The following MTCL3 variants were observed in gnomAD, a reference collection of about 807,000 sequenced individuals.
MTCL3 encodes the protein microtubule cross-linking factor 3.
At chr6:127,475,142 C>G in the MTCL3 span, 3 of 710,350 alleles carry the variant, frequency 4.2e-6, no homozygotes, top group South Asian at 2.1e-5. The surrounding 1 kb of genome is among the most constrained non-coding windows in gnomAD (Gnocchi z 7.3). Flanking sequence ...ACTGGTGGGC[C>G]GAGGCCGGGG....
the MTCL3 span, chr6:127,476,515 T>C: frequency 3.4e-6 from 5 of 1,454,912 alleles, no homozygotes; most frequent in Admixed American, 2.3e-5. The surrounding 1 kb of genome is among the most constrained non-coding windows in gnomAD (Gnocchi z 4.4). Flanking sequence ...CATTTTTATG[T>C]AAATCAAGGA....
At chr6:127,514,313 A>C in the MTCL3 span, among the ~76,000 whole-genome samples, 1 of 152,230 alleles carries the variant, frequency 6.6e-6, no homozygotes, top group Admixed American at 6.5e-5. Flanking sequence ...CAAGTGCAGA[A>C]AGGAAGAAGT....
At chr6:127,506,843 T>G in the MTCL3 span, among the ~76,000 whole-genome samples, 1 of 152,134 alleles carries the variant, frequency 6.6e-6, no homozygotes, top group East Asian at 1.9e-4. Flanking sequence ...CCTCCCAAAG[T>G]GCTGGGATTA....
chr6:127,502,385 C>T, the MTCL3 span, among the ~76,000 whole-genome samples: 1 of 152,132 alleles, frequency 6.6e-6, no homozygotes, highest in East Asian at 1.9e-4. Context: ...AATGCAGTGG[C>T]AGGTAATGCA....
chr6:127,493,066 A>C, the MTCL3 span, among the ~76,000 whole-genome samples: 5 of 152,192 alleles, frequency 3.3e-5, no homozygotes. Context: ...ATACATCTTC[A>C]CAATGCCTTT....
At chr6:127,478,494 G>T in the MTCL3 span, among the ~76,000 whole-genome samples, 3 of 152,202 alleles carry the variant, frequency 2.0e-5, no homozygotes, top group Non-Finnish European at 2.9e-5. Flanking sequence ...AAGAATGTGG[G>T]TTTAAGGTTT....
At chr6:127,484,407 T>A in the MTCL3 span, among the ~76,000 whole-genome samples, 1 of 152,256 alleles carries the variant, frequency 6.6e-6, no homozygotes, top group Non-Finnish European at 1.5e-5. Context: ...AAAGGAAAGC[T>A]TGGGGACTGA....
chr6:127,503,091 T>C, the MTCL3 span, among the ~76,000 whole-genome samples: 2 of 152,140 alleles, frequency 1.3e-5, no homozygotes, highest in East Asian at 3.9e-4. Context: ...TCTAGGAGTA[T>C]TGAGGTTCCC....
chr6:127,475,346 C>T, the MTCL3 span: 1 of 1,613,202 alleles, frequency 6.2e-7, no homozygotes, highest in Admixed American at 1.7e-5. This position sits in a 1 kb window ranked among gnomAD's most constrained non-coding sequence, Gnocchi z 7.3. Context: ...GACTTGGGCA[C>T]CTCGAGGCGG....
chr6:127,518,228 G>A, the MTCL3 span, among the ~76,000 whole-genome samples: 2 of 152,212 alleles, frequency 1.3e-5, no homozygotes, highest in African/African-American at 2.4e-5. Context: ...ACTAACATGG[G>A]CTATCTAACT....
the MTCL3 span, among the ~76,000 whole-genome samples, chr6:127,493,781 A>T: frequency 6.6e-6 from 1 of 152,260 alleles, no homozygotes; most frequent in African/African-American, 2.4e-5. Flanking sequence ...TACAATGCCA[A>T]ACTAAAATAG....
the MTCL3 span, among the ~76,000 whole-genome samples, chr6:127,485,944 T>C: frequency 3.3e-5 from 5 of 152,080 alleles, no homozygotes; most frequent in African/African-American, 9.7e-5. Flanking sequence ...CTGAACAAAC[T>C]GTTGTAGGAG....
the MTCL3 span, among the ~76,000 whole-genome samples, chr6:127,507,713 T>C: frequency 5.3e-4 from 81 of 151,856 alleles, no homozygotes; most frequent in African/African-American, 1.9e-3. Flanking sequence ...CATAGTGGCG[T>C]GTGCCAGTAG....
At chr6:127,498,479 G>A in the MTCL3 span, among the ~76,000 whole-genome samples, 2 of 152,130 alleles carry the variant, frequency 1.3e-5, no homozygotes, top group African/African-American at 4.8e-5. Flanking sequence ...CGTTGCTGGT[G>A]GGAATGTAAA....
At chr6:127,515,385 C>T in the MTCL3 span, 1 of 937,040 alleles carries the variant, frequency 1.1e-6, no homozygotes, top group South Asian at 2.0e-5. This position sits in a 1 kb window ranked among gnomAD's most constrained non-coding sequence, Gnocchi z 4.3. Context: ...CCCCTCCCTC[C>T]TTTCTTGTTC....
At chr6:127,516,403 C>T in the MTCL3 span, 2 of 1,600,592 alleles carry the variant, frequency 1.2e-6, no homozygotes, top group Non-Finnish European at 1.7e-6. Context: ...CTGCTGCTGC[C>T]GAACAGAATT....
chr6:127,514,865 T>A, the MTCL3 span: 1 of 1,613,938 alleles, frequency 6.2e-7, no homozygotes, highest in Non-Finnish European at 8.5e-7. Context: ...CCCCGTCGAT[T>A]TCCCCGGTCT....
At chr6:127,490,927 G>A in the MTCL3 span, among the ~76,000 whole-genome samples, 2 of 152,300 alleles carry the variant, frequency 1.3e-5, no homozygotes, top group Middle Eastern at 3.4e-3. Flanking sequence ...CAACCCTCAG[G>A]GATGAGTTGA....
the MTCL3 span, among the ~76,000 whole-genome samples, chr6:127,485,013 A>G: frequency 1.3e-5 from 2 of 152,112 alleles, no homozygotes; most frequent in Admixed American, 1.3e-4. Context: ...CCACTGATTC[A>G]GAAACTCTGA....
Sources: gnomAD v4.1 joint callset for allele counts (sites outside exome capture counted in the v4.1 genomes callset) on GRCh38, gnomAD v4.1.1 for gene constraint, Gnocchi (gnomAD v3.1) non-coding constraint, MANE v1.5 for transcripts, NCBI Gene and HGNC (gene_info 2026-07-23, HGNC 2026-07-21) for gene names.